KMT5B: variants seen among roughly 807,000 people sequenced by gnomAD.
KMT5B encodes lysine methyltransferase 5B.
In KMT5B, 10 loss-of-function variants were observed where a neutral mutation model predicts 83.2. The observed-to-expected ratio is 0.12, with a 90% CI of 0.07 to 0.20. The LOEUF (loss-of-function observed/expected upper bound fraction) is 0.20, where lower values mean the gene tolerates loss of function less well. Ranked by LOEUF, KMT5B falls within the 10% of genes least tolerant of loss-of-function variation. KMT5B has a pLI of 1.00. For missense variants in KMT5B, 753 were observed against 1,067.2 expected (o/e 0.71, Z 4.10); for synonymous variants, 349 against 388.8 (o/e 0.90, Z 1.20).
At chr11:68,172,925 A>G (rs1412123888) in intron 6 of KMT5B, among the ~76,000 whole-genome samples, 5 of 152,234 alleles carry the variant, frequency 3.3e-5, no homozygotes, top group Non-Finnish European at 5.9e-5. Flanking sequence ...GAGGGTGGGT[A>G]CATGAGGAGC....
At chr11:68,174,973 A>G (rs759899962) in intron 5 of KMT5B, 45 bp downstream of exon 5, 1 of 1,551,844 alleles carries the variant, frequency 6.4e-7, no homozygotes, top group Non-Finnish European at 8.8e-7. Context: ...TTACTTCACT[A>G]TTCTTATCCA....
At chr11:68,196,635 G>C (rs1216579596) in intron 1 of KMT5B, among the ~76,000 whole-genome samples, 1 of 151,580 alleles carries the variant, frequency 6.6e-6, no homozygotes, top group Non-Finnish European at 1.5e-5. Flanking sequence ...GGTGTGTAAG[G>C]GGGTGAGAGA....
chr11:68,167,401 TA>T (rs1855412603), intron 9 of KMT5B, among the ~76,000 whole-genome samples: 1 of 151,818 alleles, frequency 6.6e-6, no homozygotes, highest in Non-Finnish European at 1.5e-5. Context: ...TTGTTATGAC[TA>T]TTATCAATCA....
intron 1 of KMT5B, among the ~76,000 whole-genome samples, chr11:68,206,899 T>C (rs909386783): frequency 1.3e-5 from 2 of 152,168 alleles, no homozygotes; most frequent in African/African-American, 4.8e-5. Flanking sequence ...TTCCCTACAG[T>C]TCCCAAAGAG....
At chr11:68,192,857 C>T (rs1402211598) in intron 1 of KMT5B, among the ~76,000 whole-genome samples, 1 of 152,214 alleles carries the variant, frequency 6.6e-6, no homozygotes, top group Admixed American at 6.5e-5. Flanking sequence ...GAAATGTCTA[C>T]CTTATCATTC....
chr11:68,206,948 A>C (rs1341728960), intron 1 of KMT5B, among the ~76,000 whole-genome samples: 3 of 152,212 alleles, frequency 2.0e-5, no homozygotes, highest in African/African-American at 7.2e-5. Flanking sequence ...CATGATTAAA[A>C]ATCATGCCAA....
At chr11:68,183,752 C>T (rs541180121) in intron 3 of KMT5B, among the ~76,000 whole-genome samples, 8 of 151,672 alleles carry the variant, frequency 5.3e-5, no homozygotes, top group African/African-American at 1.2e-4. Context: ...CTCTGTCTCC[C>T]GGGTTCACGT....
intron 10 of KMT5B, chr11:68,166,224 A>G: frequency 7.9e-7 from 1 of 1,264,992 alleles, no homozygotes. Context: ...AAATGGTTCC[A>G]ATATTTCAAA....
rs1311586053 is a variant in KMT5B, at chr11:68,189,791, T to C, written c.160+126A>G. The C allele has an allele frequency of 3.8e-5, 33 of 868,390 alleles. No homozygotes were observed. The Admixed American group carries it at 8.7e-4, about 23-fold the overall frequency. 53.8% of individuals were successfully genotyped at this position (868,390 alleles called of 1,614,324 possible). A position where few individuals can be genotyped will look rare whatever the true frequency, so the allele number is the denominator to read the frequency against. On this transcript the variant is annotated intron_variant, in intron 2 of 10. Coordinates refer to ENST00000304363, the MANE Select transcript of KMT5B (RefSeq NM_017635.5). ...CACAACTTTGAGAGTAAAAAGACTATATTGTTAATTATGAAAATGCAAAAA... is the reference window on the plus strand; with the variant it reads ...CACAACTTTGAGAGTAAAAAGACTACATTGTTAATTATGAAAATGCAAAAA...
intron 1 of KMT5B, among the ~76,000 whole-genome samples, chr11:68,192,663 T>C (rs534907773): frequency 1.3e-5 from 2 of 152,344 alleles, no homozygotes; most frequent in South Asian, 4.1e-4. Context: ...TACTAAGCTT[T>C]GTCCATCACA....
At chr11:68,190,973 A>C (rs1003185092) in intron 1 of KMT5B, among the ~76,000 whole-genome samples, 1 of 152,220 alleles carries the variant, frequency 6.6e-6, no homozygotes, top group Non-Finnish European at 1.5e-5. Context: ...CCAAAAAAGA[A>C]AAGAAAATAA....
intron 9 of KMT5B, among the ~76,000 whole-genome samples, chr11:68,168,255 C>A (rs1459249416): frequency 6.6e-6 from 1 of 151,946 alleles, no homozygotes; most frequent in Non-Finnish European, 1.5e-5. Flanking sequence ...TGAAGCATCT[C>A]TGCATCTCTT....
chr11:68,166,563 G>T (rs1590940272), intron 10 of KMT5B: 4 of 1,009,632 alleles, frequency 4.0e-6, no homozygotes, highest in African/African-American at 3.5e-5. Context: ...CAGAAGCTAT[G>T]AATTCCCCAA....
chr11:68,191,207 G>GTGTGTGTGTA lies in KMT5B; in HGVS notation c.-76-1056_-76-1055insTACACACACA, dbSNP rs1275078710. Among the ~76,000 whole-genome samples the GTGTGTGTGTA allele has an allele frequency of 4.0e-5, 6 of 151,554 alleles. No homozygotes were observed. In the East Asian group the frequency reaches 1.2e-3, roughly 29 times the overall value. On this transcript the variant is annotated intron_variant, in intron 1 of 10. Coordinates refer to ENST00000304363, the MANE Select transcript of KMT5B (RefSeq NM_017635.5). Reference sequence around the variant, plus strand: ...TGTGTGTGTGTGTGTGTGTGTGTGTGTAGAGACGAGGTCTCACTATGTTGC... The same window carrying GTGTGTGTGTA: ...TGTGTGTGTGTGTGTGTGTGTGTGTGTGTGTGTGTATAGAGACGAGGTCTCACTATGTTGC...
At chr11:68,190,276 T>C (rs541515062) in intron 1 of KMT5B, 124 bp from the exon 2 acceptor site, 25 of 559,922 alleles carry the variant, frequency 4.5e-5, no homozygotes, top group African/African-American at 4.4e-4. Flanking sequence ...AGTATAATGA[T>C]GTTTTGGTCA....
chr11:68,180,068 G>T (rs376314365), intron 4 of KMT5B, 64 bp downstream of exon 4: 9 of 1,490,914 alleles, frequency 6.0e-6, no homozygotes, highest in African/African-American at 4.2e-5. Flanking sequence ...TAACATAAAA[G>T]AACATTTTAA....
Position 68,157,969 on chromosome 11 carries a change from C to G in KMT5B, c.2377G>C (p.Glu793Gln), listed in dbSNP as rs1371089209. 6.2e-7 allele frequency: 1 copy of G among 1,614,154 alleles called. No homozygotes were observed. Residue 793 changes from glutamate to glutamine, a missense_variant, in exon 11 of 11, where the codon GAG becomes CAG. By Grantham distance (29) the Glu-to-Gln change is conservative. Coordinates refer to ENST00000304363, the MANE Select transcript of KMT5B (RefSeq NM_017635.5). ...RDEENRGSYT[E>Q]GLHENGVCCS... ...CACACCCCATTTTCATGAAGCCCCT[C>G]TGTATAAGACCCCCTATTTTCCTCA...
chr11:68,210,645 G>A (rs1860779567), intron 1 of KMT5B, among the ~76,000 whole-genome samples: 1 of 152,184 alleles, frequency 6.6e-6, no homozygotes, highest in Admixed American at 6.5e-5. Flanking sequence ...AAGATGGCCT[G>A]GTGTTCAAGT....
Position 68,156,264 on chromosome 11 carries a change from A to T in KMT5B, c.*1424T>A, listed in dbSNP as rs1859289952. ...AGAAATAAAGAGACCTACTGGTGTC[A>T]AACACCTGTTACAGATTTATATTCC... On this transcript the variant is annotated 3_prime_UTR_variant, in exon 11 of 11. Coordinates refer to ENST00000304363, the MANE Select transcript of KMT5B (RefSeq NM_017635.5). 6.6e-6 allele frequency: 1 copy of T among 152,604 alleles called. No individual in the cohort carries two copies. The highest frequency in any genetic ancestry group is 1.5e-5 in the Non-Finnish European group (1 of 68,048). 9.5% of individuals were successfully genotyped at this position (152,604 alleles called of 1,614,324 possible). A position where few individuals can be genotyped will look rare whatever the true frequency, so the allele number is the denominator to read the frequency against.
Sources: gnomAD v4.1 joint callset for allele counts (sites outside exome capture counted in the v4.1 genomes callset) on GRCh38, gnomAD v4.1.1 for gene constraint, MANE v1.5 for transcripts, NCBI Gene and HGNC (gene_info 2026-07-23, HGNC 2026-07-21) for gene names.